The following WDR70 variants were observed in gnomAD, a reference collection of about 807,000 sequenced individuals.
The protein encoded by WDR70 is WD repeat-containing protein 70.
WDR70 carries 53 observed loss-of-function variants against 88.6 expected under a neutral mutation model. That is an observed-to-expected ratio of 0.60 (90% CI 0.48 to 0.75). The LOEUF is 0.75. Among genes scored for constraint, WDR70 ranks in the 30% least tolerant of loss-of-function variants. WDR70 has a pLI of 0.00. For synonymous variants in WDR70, 280 were observed against 270.0 expected (o/e 1.04, Z -0.36); for missense variants, 610 against 823.2 (o/e 0.74, Z 3.17).
At chr5:37,423,624 C>T (rs1344814662) in intron 5 of WDR70, among the ~76,000 whole-genome samples, 1 of 139,682 alleles carries the variant, frequency 7.2e-6, no homozygotes, top group African/African-American at 2.6e-5. Flanking sequence ...TGTGCAGTGG[C>T]GCTATCTTGG....
intron 9 of WDR70, among the ~76,000 whole-genome samples, chr5:37,562,872 T>C (rs1356501649): frequency 1.2e-4 from 17 of 147,506 alleles, no homozygotes; most frequent in South Asian, 4.3e-4. Flanking sequence ...TGGCAACCAT[T>C]CGATTTCTCA....
At chr5:37,514,381 T>A (rs1740822693) in intron 8 of WDR70, among the ~76,000 whole-genome samples, 2 of 13,496 alleles carry the variant, frequency 1.5e-4, no homozygotes, top group Admixed American at 3.2e-3. Flanking sequence ...TGTTTATGTA[T>A]TTTTTTTTCC....
At chr5:37,536,070 CT>C (rs1741659073) in intron 9 of WDR70, among the ~76,000 whole-genome samples, 1 of 152,168 alleles carries the variant, frequency 6.6e-6, no homozygotes, top group African/African-American at 2.4e-5. Context: ...TTGAATTTCT[CT>C]TGTAGGGCAC....
intron 8 of WDR70, among the ~76,000 whole-genome samples, chr5:37,502,467 C>G (rs1292859591): frequency 6.6e-6 from 1 of 152,042 alleles, no homozygotes; most frequent in Non-Finnish European, 1.5e-5. Context: ...CCTTCTGTGC[C>G]TAGTTTGTTG....
chr5:37,606,239 CT>C (rs1744027183), intron 10 of WDR70, among the ~76,000 whole-genome samples: 1 of 152,190 alleles, frequency 6.6e-6, no homozygotes, highest in Non-Finnish European at 1.5e-5. Flanking sequence ...AGAATCTATA[CT>C]GATAATGCTG....
At chr5:37,522,164 T>TA (rs1360610488) in intron 9 of WDR70, among the ~76,000 whole-genome samples, 1 of 152,186 alleles carries the variant, frequency 6.6e-6, no homozygotes, top group Non-Finnish European at 1.5e-5. Context: ...GCCATTTATA[T>TA]ATCTTCTTTT....
intron 17 of WDR70, among the ~76,000 whole-genome samples, chr5:37,743,633 A>G (rs145695744): frequency 0.018 from 2,766 of 152,292 alleles, 90 homozygotes; most frequent in African/African-American, 0.063. Flanking sequence ...CCCACAGCCC[A>G]ACACACCGGC....
At chr5:37,470,870 A>G (rs1394222528) in intron 7 of WDR70, among the ~76,000 whole-genome samples, 1 of 148,922 alleles carries the variant, frequency 6.7e-6, no homozygotes, top group African/African-American at 2.4e-5. Context: ...TTATGCATAC[A>G]TTCTGCATTA....
chr5:37,702,837 T>G (rs1747203552), intron 12 of WDR70, 112 bp from the exon 13 acceptor site: 4 of 1,074,548 alleles, frequency 3.7e-6, no homozygotes, highest in Non-Finnish European at 5.2e-6. Context: ...GCTTGACTCA[T>G]AAGCCCTATA....
intron 9 of WDR70, among the ~76,000 whole-genome samples, chr5:37,574,501 T>C (rs1742999768): frequency 6.6e-6 from 1 of 152,326 alleles, no homozygotes; most frequent in Non-Finnish European, 1.5e-5. Context: ...AAAGTTAGCA[T>C]ATGTCAGGAT....
At chr5:37,408,160 A>G (rs1374166558) in intron 5 of WDR70, among the ~76,000 whole-genome samples, 1 of 151,978 alleles carries the variant, frequency 6.6e-6, no homozygotes, top group Non-Finnish European at 1.5e-5. Context: ...TTAATTTTGC[A>G]TTTTTGTCAG....
At chr5:37,677,376 C>T (rs1746262544) in intron 10 of WDR70, among the ~76,000 whole-genome samples, 1 of 152,148 alleles carries the variant, frequency 6.6e-6, no homozygotes. Context: ...GCATTTAGTG[C>T]TATAAATTTC....
intron 5 of WDR70, among the ~76,000 whole-genome samples, chr5:37,405,119 A>G (rs181750801): frequency 6.6e-6 from 1 of 152,306 alleles, no homozygotes. Flanking sequence ...GAAGAATATA[A>G]ATACCTAGTA....
chr5:37,500,681 T>G (rs1740379642), intron 8 of WDR70, among the ~76,000 whole-genome samples: 1 of 151,178 alleles, frequency 6.6e-6, no homozygotes, highest in Non-Finnish European at 1.5e-5. Flanking sequence ...CCCCAGTGAT[T>G]AGTGATGTTG....
chr5:37,449,591 A>C (rs1236790487), intron 7 of WDR70, among the ~76,000 whole-genome samples: 1 of 9,742 alleles, frequency 1.0e-4, no homozygotes, highest in Non-Finnish European at 2.1e-3. Context: ...ATTTTGTCTC[A>C]AAAAAAAAAA....
intron 10 of WDR70, among the ~76,000 whole-genome samples, chr5:37,626,092 T>A (rs527888135): frequency 2.6e-5 from 4 of 151,438 alleles, no homozygotes; most frequent in Non-Finnish European, 5.9e-5. Flanking sequence ...GACTTCTCCC[T>A]TTCCGATTTG....
At chr5:37,514,722 A>G (rs1740834595) in intron 8 of WDR70, among the ~76,000 whole-genome samples, 2 of 152,138 alleles carry the variant, frequency 1.3e-5, no homozygotes, top group Admixed American at 6.5e-5. Flanking sequence ...CACATGAGGT[A>G]AAATGAAAGC....
intron 9 of WDR70, among the ~76,000 whole-genome samples, chr5:37,551,459 G>A (rs1057188550): frequency 6.6e-6 from 1 of 151,840 alleles, no homozygotes; most frequent in Non-Finnish European, 1.5e-5. Context: ...GCTGGGCATG[G>A]TGGCTCACAC....
intron 3 of WDR70, among the ~76,000 whole-genome samples, chr5:37,391,485 C>T (rs564739727): frequency 6.6e-6 from 1 of 152,286 alleles, no homozygotes; most frequent in South Asian, 2.1e-4. Context: ...TCTAGATTAC[C>T]TCATGTAAGT....
Sources: allele counts gnomAD v4.1 joint callset (sites outside exome capture counted in the v4.1 genomes callset), GRCh38; gene constraint gnomAD v4.1.1; transcripts MANE v1.5; gene names NCBI Gene and HGNC (gene_info 2026-07-23, HGNC 2026-07-21).